Variants in ADAM23 observed in about 807,000 individuals in gnomAD.
ADAM23 encodes ADAM metallopeptidase domain 23.
ADAM23 carries 33 observed loss-of-function variants against 120.1 expected under a neutral mutation model. The observed-to-expected ratio is 0.27, with a 90% CI of 0.21 to 0.37. The LOEUF (loss-of-function observed/expected upper bound fraction) is 0.37. Among genes scored for constraint, ADAM23 ranks in the 10% least tolerant of loss-of-function variants. The pLI is 1.00. For missense variants in ADAM23, 862 were observed against 1,058.2 expected, an observed-to-expected ratio of 0.81 and a Z score of 2.57; for synonymous variants, 367 against 375.2, an observed-to-expected ratio of 0.98 and a Z score of 0.25.
rs1271645693 is a variant in ADAM23, at chr2:206,552,461, AC to A, written c.933+2304del. 8.5e-5 allele frequency among the ~76,000 whole-genome samples: 13 copies of A among 152,182 alleles called. No individual in the cohort carries two copies. In the East Asian group the frequency reaches 1.9e-3, roughly 23 times the overall value. On this transcript the variant is annotated intron_variant, in intron 9 of 25. Coordinates refer to ENST00000264377, the MANE Select transcript of ADAM23 (RefSeq NM_003812.4). ...GCATATTTTTTGAATTTATTTTTTA[AC>A]CCTTCTCAATGGTAAACATTTAAAT...
intron 3 of ADAM23, among the ~76,000 whole-genome samples, chr2:206,490,471 C>A (rs1335090321): frequency 1.3e-5 from 2 of 152,074 alleles, no homozygotes; most frequent in East Asian, 3.9e-4. Flanking sequence ...ATTGTGGTTT[C>A]TTTTGCATTT....
intron 18 of ADAM23, among the ~76,000 whole-genome samples, chr2:206,582,417 A>G (rs947631981): frequency 6.6e-6 from 1 of 150,938 alleles, no homozygotes; most frequent in African/African-American, 2.5e-5. Context: ...CCTTTACTTT[A>G]AGTTTATGTG....
intron 18 of ADAM23, among the ~76,000 whole-genome samples, chr2:206,583,654 C>A (rs1433010054): frequency 1.3e-5 from 2 of 152,010 alleles, no homozygotes; most frequent in East Asian, 3.9e-4. Context: ...ATTTCTATTG[C>A]TGAGACTTTC....
intron 3 of ADAM23, among the ~76,000 whole-genome samples, chr2:206,513,033 C>A (rs1445481673): frequency 6.6e-6 from 1 of 152,140 alleles, no homozygotes; most frequent in Non-Finnish European, 1.5e-5. Context: ...GGCTTCTCCA[C>A]TGACTGGCCA....
At chr2:206,588,807 A>G (rs1698373644) in intron 20 of ADAM23, among the ~76,000 whole-genome samples, 2 of 152,370 alleles carry the variant, frequency 1.3e-5, no homozygotes, top group Middle Eastern at 3.4e-3. Context: ...AAGAAAGCAC[A>G]CAGAATGAGA....
At chr2:206,613,479 G>T (rs1432235802) in intron 25 of ADAM23, among the ~76,000 whole-genome samples, 2 of 152,166 alleles carry the variant, frequency 1.3e-5, no homozygotes, top group Admixed American at 1.3e-4. Context: ...AACGAACATA[G>T]GCATGTGGCA....
At chr2:206,499,501 G>A (rs1473992040) in intron 3 of ADAM23, among the ~76,000 whole-genome samples, 1 of 123,318 alleles carries the variant, frequency 8.1e-6, no homozygotes, top group South Asian at 3.3e-4. Flanking sequence ...TGTGGGGTGG[G>A]GGGAGGGGGG....
At chr2:206,519,151 T>G (rs1257521915) in intron 3 of ADAM23, among the ~76,000 whole-genome samples, 2 of 152,176 alleles carry the variant, frequency 1.3e-5, no homozygotes, top group Non-Finnish European at 2.9e-5. Flanking sequence ...GGTGCCTGTT[T>G]AGTTCAGGCA....
intron 4 of ADAM23, among the ~76,000 whole-genome samples, chr2:206,538,231 G>T (rs993671401): frequency 6.6e-6 from 1 of 152,088 alleles, no homozygotes; most frequent in African/African-American, 2.4e-5. Flanking sequence ...TAATTTGTGT[G>T]TTGGGAGTCT....
intron 18 of ADAM23, among the ~76,000 whole-genome samples, chr2:206,581,847 G>T (rs937924284): frequency 6.6e-6 from 1 of 151,962 alleles, no homozygotes; most frequent in Non-Finnish European, 1.5e-5. Flanking sequence ...TTATTGTGTT[G>T]CTGTCTATGT....
intron 3 of ADAM23, among the ~76,000 whole-genome samples, chr2:206,491,317 C>A (rs1047046204): frequency 1.3e-5 from 2 of 152,038 alleles, no homozygotes; most frequent in Non-Finnish European, 2.9e-5. Context: ...AAAAGAGGAC[C>A]CTGTGGCTAC....
chr2:206,561,351 G>C, intron 12 of ADAM23, 139 bp downstream of exon 12: 1 of 732,312 alleles, frequency 1.4e-6, no homozygotes, highest in Non-Finnish European at 2.3e-6. Flanking sequence ...TTAATAAATA[G>C]AACCCAACGT....
rs1699002190 is a variant in ADAM23, at chr2:206,619,506, A to T, written c.*1879A>T. 1.0e-5 allele frequency: 1 copy of T among 96,110 alleles called. No individual in the cohort carries two copies. Among genetic ancestry groups the T allele is most frequent in the African/African-American group, 3.9e-5 (1 of 25,788 alleles). 6.0% of individuals were successfully genotyped at this position (96,110 alleles called of 1,614,324 possible). On this transcript the variant is annotated 3_prime_UTR_variant, in exon 26 of 26. Transcript: ENST00000264377. ...TGTCCCAAAGAGCCCCTACTTCTCT[A>T]ATGCCCCCCCCCTTTTTTTTTTAGG...
rs1553548692 is a variant in ADAM23 at position 206,477,901 on chromosome 2, T to TATAC, written c.433-3328_433-3327insCATA. Among the ~76,000 whole-genome samples, 12 of 122,230 alleles carry TATAC rather than the reference T, an allele frequency of 9.8e-5. 1 individual carries two copies. Among genetic ancestry groups the TATAC allele is most frequent in the Admixed American group, 5.7e-4 (7 of 12,242 alleles). The allele number at this position is 122,230 out of a possible 152,430, so 80.2% of individuals were successfully genotyped here. On this transcript the variant is annotated intron_variant, in intron 2 of 25. Coordinates refer to ENST00000264377, the MANE Select transcript of ADAM23 (RefSeq NM_003812.4). Reference sequence around the variant, plus strand: ...CTGTTAAAAAAAAAAAAAAAAAATATATATATATATATATATATATAAAAC... The same window carrying TATAC: ...CTGTTAAAAAAAAAAAAAAAAAATATATACATATATATATATATATATATAAAAC...
intron 3 of ADAM23, among the ~76,000 whole-genome samples, chr2:206,509,044 C>T (rs940750839): frequency 6.6e-6 from 1 of 152,196 alleles, no homozygotes; most frequent in Non-Finnish European, 1.5e-5. Flanking sequence ...GTCACCAAAC[C>T]ATCATATGAA....
chr2:206,462,776 C>G (rs1304967693), intron 2 of ADAM23, among the ~76,000 whole-genome samples: 1 of 152,008 alleles, frequency 6.6e-6, no homozygotes. Context: ...ATTTCCTGCT[C>G]TGTTATTTTT....
intron 2 of ADAM23, among the ~76,000 whole-genome samples, chr2:206,448,151 T>A (rs1695119569): frequency 6.6e-6 from 1 of 152,224 alleles, no homozygotes; most frequent in South Asian, 2.1e-4. Flanking sequence ...ACTGTGCCAT[T>A]TTTTAAAGTA....
chr2:206,510,971 C>T (rs1696611481), intron 3 of ADAM23, among the ~76,000 whole-genome samples: 1 of 152,028 alleles, frequency 6.6e-6, no homozygotes, highest in Non-Finnish European at 1.5e-5. Flanking sequence ...TAGGAAAGTT[C>T]TGTTCTGTTA....
intron 4 of ADAM23, among the ~76,000 whole-genome samples, chr2:206,539,114 T>C (rs1341315734): frequency 1.3e-5 from 2 of 152,194 alleles, no homozygotes; most frequent in African/African-American, 4.8e-5. Flanking sequence ...GGAAACCTTG[T>C]GGAGCAGAGT....
Sources: gnomAD v4.1 joint callset for allele counts (sites outside exome capture counted in the v4.1 genomes callset) on GRCh38, gnomAD v4.1.1 for gene constraint, MANE v1.5 for transcripts, NCBI Gene and HGNC (gene_info 2026-07-23, HGNC 2026-07-21) for gene names.